The following LIN7A variants were observed in gnomAD, a reference collection of about 807,000 sequenced individuals.
The protein encoded by LIN7A is lin-7 cell polarity scaffold A, also known as protein lin-7 homolog A.
In LIN7A, 25 loss-of-function variants were observed where a neutral mutation model predicts 29.8. The observed-to-expected ratio is 0.84, with a 90% CI of 0.61 to 1.17. LIN7A has a LOEUF of 1.17. LIN7A is among the 50% of genes most tolerant of loss of function. The probability of loss-of-function intolerance (pLI) is 0.00; values close to 1 mark genes in which losing one functional copy is unlikely to be tolerated. For missense variants in LIN7A, 239 were observed against 287.0 expected (o/e 0.83, Z 1.21); for synonymous variants, 118 against 107.5 (o/e 1.10, Z -0.60).
intron 1 of LIN7A, among the ~76,000 whole-genome samples, chr12:80,935,571 T>G (rs1459934018): frequency 1.3e-5 from 2 of 152,138 alleles, no homozygotes. Flanking sequence ...GAAGGGAAAT[T>G]TTTAGAACCT....
At chr12:80,906,503 G>A (rs556080024) in intron 1 of LIN7A, among the ~76,000 whole-genome samples, 1 of 151,996 alleles carries the variant, frequency 6.6e-6, no homozygotes. Context: ...CTGGGGGTTG[G>A]GGGGTTTGCC....
chr12:80,892,349 G>A (rs1875668695), intron 1 of LIN7A, among the ~76,000 whole-genome samples: 1 of 152,168 alleles, frequency 6.6e-6, no homozygotes, highest in African/African-American at 2.4e-5. Flanking sequence ...GAAGGCAGGT[G>A]TTAGAGGTCT....
chr12:80,935,235 A>C (rs1592963868), intron 1 of LIN7A, among the ~76,000 whole-genome samples: 1 of 152,214 alleles, frequency 6.6e-6, no homozygotes, highest in Non-Finnish European at 1.5e-5. Context: ...GGGATAGACA[A>C]ATGCAACAGA....
rs181507654 is a variant in LIN7A at position 80,884,575 on chromosome 12, C to T, written c.201+4676G>A. 9.7e-4 allele frequency among the ~76,000 whole-genome samples: 147 copies of T among 152,294 alleles called. 1 individual carries two copies. The highest frequency in any genetic ancestry group is 6.8e-4 in the Non-Finnish European group (46 of 67,994). On this transcript the variant is annotated intron_variant, in intron 2 of 5. Transcript: ENST00000552864. ...GAAGTGGAACATATAGCTTCTTCCA[C>T]TCACATGTGATTGGCTAAAGCAGTT...
At chr12:80,844,143 C>T (rs1355402804) in intron 4 of LIN7A, among the ~76,000 whole-genome samples, 38 of 151,958 alleles carry the variant, frequency 2.5e-4, no homozygotes, top group Admixed American at 2.5e-3. Context: ...CTATGTGACG[C>T]AATTGTGTGA....
intron 2 of LIN7A, among the ~76,000 whole-genome samples, chr12:80,857,211 T>G (rs1267397266): frequency 6.6e-6 from 1 of 152,194 alleles, no homozygotes; most frequent in African/African-American, 2.4e-5. Flanking sequence ...AAGCCAGATA[T>G]CTTAGATTCA....
chr12:80,802,201 CTT>C (rs1207988419), intron 5 of LIN7A, among the ~76,000 whole-genome samples: 1 of 151,970 alleles, frequency 6.6e-6, no homozygotes, highest in Non-Finnish European at 1.5e-5. Flanking sequence ...CCGAGTCTAA[CTT>C]TTTAAGATTC....
intron 2 of LIN7A, among the ~76,000 whole-genome samples, chr12:80,855,718 C>G (rs1382997011): frequency 6.6e-6 from 1 of 152,012 alleles, no homozygotes; most frequent in Non-Finnish European, 1.5e-5. Flanking sequence ...GGAGTCCATG[C>G]CTGCAAAATT....
intron 1 of LIN7A, among the ~76,000 whole-genome samples, chr12:80,898,320 T>C (rs186347219): frequency 3.3e-5 from 5 of 152,296 alleles, no homozygotes; most frequent in African/African-American, 1.2e-4. Context: ...TTCTGTTCTA[T>C]TGGTCTCTGT....
chr12:80,908,156 T>A (rs918399341), intron 1 of LIN7A, among the ~76,000 whole-genome samples: 1 of 152,108 alleles, frequency 6.6e-6, no homozygotes, highest in African/African-American at 2.4e-5. Flanking sequence ...TTAATTAAAA[T>A]TTTCCAGACT....
In LIN7A at chr12:80,796,073, C is replaced by G. The variant is rs896409987; in HGVS notation, c.*1654G>C. Reference sequence around the variant, plus strand: ...ACCTGGTATTGACAATACTATCACCCAACAGGGCATAATAAAATGTGCTGG... The same window carrying G: ...ACCTGGTATTGACAATACTATCACCGAACAGGGCATAATAAAATGTGCTGG... On this transcript the variant is annotated 3_prime_UTR_variant, in exon 6 of 6. Transcript: ENST00000552864. The G allele has an allele frequency of 3.3e-5, 5 of 152,120 alleles. No homozygotes were observed. Among genetic ancestry groups the G allele is most frequent in the Admixed American group, 3.3e-4 (5 of 15,260 alleles). 9.4% of individuals were successfully genotyped at this position (152,120 alleles called of 1,614,324 possible). A position where few individuals can be genotyped will look rare whatever the true frequency, so the allele number is the denominator to read the frequency against.
intron 2 of LIN7A, among the ~76,000 whole-genome samples, chr12:80,854,486 C>CAAA (rs34687099): frequency 1.7e-4 from 19 of 108,964 alleles, no homozygotes; most frequent in African/African-American, 4.7e-4. Flanking sequence ...GTTGCTAAGC[C>CAAA]AAAAAAAAAA....
At chr12:80,912,419 T>A (rs1215615706) in intron 1 of LIN7A, among the ~76,000 whole-genome samples, 11 of 152,058 alleles carry the variant, frequency 7.2e-5, no homozygotes, top group Admixed American at 7.2e-4. Flanking sequence ...GATCTCCTTT[T>A]AAAAATAGAC....
chr12:80,820,350 A>C (rs908403538), intron 4 of LIN7A, among the ~76,000 whole-genome samples: 1 of 152,230 alleles, frequency 6.6e-6, no homozygotes, highest in Non-Finnish European at 1.5e-5. Context: ...TTTTTGGACC[A>C]TGAAAGTGGA....
rs147745000 is a variant in LIN7A at position 80,817,905 on chromosome 12, G to A, written c.484-6222C>T. On this transcript the variant is annotated intron_variant, in intron 4 of 5. Coordinates refer to ENST00000552864, the MANE Select transcript of LIN7A (RefSeq NM_004664.4). ...ACATGGAGTGTCATTTTTGTGTGAT[G>A]CAAAAGGATAGGAACTAATGGCAAG... Among the ~76,000 whole-genome samples the A allele has an allele frequency of 1.4e-4, 22 of 152,192 alleles. No homozygotes were observed. In the East Asian group the frequency reaches 4.3e-3, roughly 29 times the overall value.
rs1450103603 is a variant in LIN7A at position 80,794,117 on chromosome 12, T to G, written c.*3610A>C. On this transcript the variant is annotated 3_prime_UTR_variant, in exon 6 of 6. Coordinates refer to ENST00000552864, the MANE Select transcript of LIN7A (RefSeq NM_004664.4). The stretch of plus-strand genomic sequence containing the variant: ...TGAAACTTAGAAATCATAGTGACAA[T>G]CAGTATAATATAAGCTGGTAAAATT... 6.6e-6 allele frequency: 1 copy of G among 152,146 alleles called. No individual in the cohort carries two copies. Among genetic ancestry groups the G allele is most frequent in the Non-Finnish European group, 1.5e-5 (1 of 68,016 alleles). 9.4% of individuals were successfully genotyped at this position (152,146 alleles called of 1,614,324 possible). A position where few individuals can be genotyped will look rare whatever the true frequency, so the allele number is the denominator to read the frequency against.
chr12:80,888,964 C>G (rs368415955), intron 2 of LIN7A, among the ~76,000 whole-genome samples: 1 of 152,172 alleles, frequency 6.6e-6, no homozygotes, highest in East Asian at 1.9e-4. Context: ...TTCTAGGTGG[C>G]TTCATGTGAC....
intron 2 of LIN7A, among the ~76,000 whole-genome samples, chr12:80,879,994 T>G (rs879152385): frequency 6.6e-6 from 1 of 152,218 alleles, no homozygotes; most frequent in Non-Finnish European, 1.5e-5. Flanking sequence ...GATGTTTGAA[T>G]GCTTTCAATT....
intron 2 of LIN7A, among the ~76,000 whole-genome samples, chr12:80,881,642 T>C (rs1046658497): frequency 2.2e-4 from 33 of 152,218 alleles, no homozygotes; most frequent in African/African-American, 7.2e-4. Flanking sequence ...TATATATATA[T>C]ATATGTACAC....
Sources: allele counts gnomAD v4.1 joint callset (sites outside exome capture counted in the v4.1 genomes callset), GRCh38; gene constraint gnomAD v4.1.1; transcripts MANE v1.5; gene names NCBI Gene and HGNC (gene_info 2026-07-23, HGNC 2026-07-21).